The following GALM variants were observed in gnomAD, a reference collection of about 807,000 sequenced individuals.
GALM encodes the protein aldose 1-epimerase.
Under a neutral mutation model 37.4 loss-of-function variants are expected in GALM, and 43 were observed. The observed-to-expected ratio is 1.15, with a 90% CI of 0.90 to 1.48. The LOEUF is 1.48. Among genes scored for constraint, GALM ranks in the 40% most tolerant of loss-of-function variants. The pLI is 0.00. For synonymous variants in GALM, 199 were observed against 170.6 expected (o/e 1.17, Z -1.30); for missense variants, 456 against 419.1 (o/e 1.09, Z -0.77).
chr2:38,719,468 C>A (rs1387233356), intron 4 of GALM, among the ~76,000 whole-genome samples: 2 of 140,588 alleles, frequency 1.4e-5, no homozygotes, highest in African/African-American at 2.7e-5. Context: ...GACTTTGTCT[C>A]AAAAAAAAAA....
chr2:38,679,491 T>C (rs1034680467), intron 2 of GALM, among the ~76,000 whole-genome samples: 4 of 152,212 alleles, frequency 2.6e-5, no homozygotes, highest in African/African-American at 9.6e-5. Context: ...TGTTCAACTG[T>C]TTTGACCTAC....
Position 38,733,548 on chromosome 2 carries a change from A to C in GALM, c.1012A>C (p.Lys338Gln). The C allele has an allele frequency of 6.2e-7, 1 of 1,613,754 alleles. No individual in the cohort carries two copies. The highest frequency in any genetic ancestry group is 1.1e-5 in the South Asian group (1 of 91,064). ...GGAGTATGACCACACCACCTGGTTC[A>C]AGTTTTCTGTGGCTTAAGGAAGTGT... ...GEEYDHTTWF[K>Q]FSVA The change falls in exon 7 of 7, where the codon AAG (lysine) becomes CAG (glutamine). Residue 338 changes from lysine to glutamine, a missense_variant. Coordinates refer to ENST00000272252, the MANE Select transcript of GALM (RefSeq NM_138801.3).
At chr2:38,670,724 A>G (rs1198897968) in intron 1 of GALM, among the ~76,000 whole-genome samples, 2 of 152,152 alleles carry the variant, frequency 1.3e-5, no homozygotes, top group African/African-American at 4.8e-5. Flanking sequence ...CCCAAATACC[A>G]TCTCTGACTC....
chr2:38,715,874 G>A (rs187886948), intron 4 of GALM, among the ~76,000 whole-genome samples: 42 of 152,236 alleles, frequency 2.8e-4, no homozygotes, highest in East Asian at 1.9e-3. Context: ...TTTAGTGTTC[G>A]CAATAATGCT....
intron 4 of GALM, among the ~76,000 whole-genome samples, chr2:38,702,800 G>C (rs1257657692): frequency 6.6e-6 from 1 of 150,642 alleles, no homozygotes; most frequent in Non-Finnish European, 1.5e-5. Context: ...CTGAGTAATA[G>C]CCAACCTATA....
rs770288133 is a variant in GALM, at chr2:38,729,652, A to G, written c.731A>G (p.His244Arg). 5.5e-5 allele frequency: 88 copies of G among 1,613,616 alleles called. No homozygotes were observed. Among genetic ancestry groups the G allele is most frequent in the Non-Finnish European group, 7.0e-5 (82 of 1,179,708 alleles). Residue 244 changes from histidine to arginine, a missense_variant, in exon 5 of 7, where the codon CAC becomes CGC. By Grantham distance (29) the His-to-Arg change is conservative. Coordinates refer to ENST00000272252, the MANE Select transcript of GALM (RefSeq NM_138801.3). ...LQDFHLNGFDHNFCLKGSKEK... is the reference protein window; with the variant it reads ...LQDFHLNGFDRNFCLKGSKEK... Reference sequence around the variant, plus strand: ...GACTTCCATCTCAATGGTTTTGACCACAATTTCTGTCTGAAGGGATCTAAA... The same window carrying G: ...GACTTCCATCTCAATGGTTTTGACCGCAATTTCTGTCTGAAGGGATCTAAA...
chr2:38,721,044 T>C (rs1666367234), intron 4 of GALM, among the ~76,000 whole-genome samples: 1 of 152,226 alleles, frequency 6.6e-6, no homozygotes, highest in Non-Finnish European at 1.5e-5. Context: ...GGAGAGCATG[T>C]GGATGGGATC....
At chr2:38,729,161 T>G (rs1666544712) in intron 4 of GALM, among the ~76,000 whole-genome samples, 1 of 151,950 alleles carries the variant, frequency 6.6e-6, no homozygotes, top group South Asian at 2.1e-4. Context: ...TCTATTTATT[T>G]GAGGGTTTTT....
intron 6 of GALM, 56 bp from the exon 7 acceptor site, chr2:38,733,432 G>A: frequency 7.0e-7 from 1 of 1,424,552 alleles, no homozygotes; most frequent in Non-Finnish European, 9.9e-7. Flanking sequence ...ACACCCAAAT[G>A]GTTAATGTTG....
chr2:38,708,147 TA>T, intron 4 of GALM, among the ~76,000 whole-genome samples: 2 of 120,892 alleles, frequency 1.7e-5, no homozygotes, highest in African/African-American at 2.9e-5. Flanking sequence ...TAAAATAAAA[TA>T]AAAAAGCCTG....
At chr2:38,691,739 TAA>T (rs1553381727) in intron 4 of GALM, among the ~76,000 whole-genome samples, 10 of 150,894 alleles carry the variant, frequency 6.6e-5, no homozygotes, top group South Asian at 2.1e-4. Context: ...TTTTTTTTTT[TAA>T]AAAAGACCAA....
chr2:38,690,774 C>G (rs1053805460), intron 4 of GALM, among the ~76,000 whole-genome samples: 10 of 152,120 alleles, frequency 6.6e-5, no homozygotes, highest in African/African-American at 2.4e-4. Flanking sequence ...GCTGCTAGTT[C>G]AAACTTTTTA....
chr2:38,691,739 T>TTTA (rs1340485383), intron 4 of GALM, among the ~76,000 whole-genome samples: 38 of 150,896 alleles, frequency 2.5e-4, no homozygotes, highest in African/African-American at 8.8e-4. Flanking sequence ...TTTTTTTTTT[T>TTTA]AAAAAAGACC....
At chr2:38,713,811 A>G (rs1274225296) in intron 4 of GALM, among the ~76,000 whole-genome samples, 1 of 151,998 alleles carries the variant, frequency 6.6e-6, no homozygotes, top group East Asian at 1.9e-4. Context: ...AGGCTGAGGC[A>G]GGAGGATCAC....
chr2:38,719,276 C>G (rs1666328183), intron 4 of GALM, among the ~76,000 whole-genome samples: 1 of 151,558 alleles, frequency 6.6e-6, no homozygotes, highest in African/African-American at 2.4e-5. Context: ...TCAAGACCAG[C>G]TTGGCCAAGA....
chr2:38,706,111 T>C (rs1168843038), intron 4 of GALM, among the ~76,000 whole-genome samples: 1 of 151,986 alleles, frequency 6.6e-6, no homozygotes, highest in Non-Finnish European at 1.5e-5. Flanking sequence ...GTTCAAGCGA[T>C]TCTCCTGCTT....
chr2:38,689,116 G>A (rs1258424367), intron 3 of GALM, among the ~76,000 whole-genome samples: 5 of 152,230 alleles, frequency 3.3e-5, no homozygotes, highest in Middle Eastern at 6.8e-3. Context: ...CACCGCGCCC[G>A]GCCTCATTAG....
At chr2:38,725,908 C>T (rs1276257199) in intron 4 of GALM, among the ~76,000 whole-genome samples, 3 of 151,918 alleles carry the variant, frequency 2.0e-5, no homozygotes, top group African/African-American at 7.3e-5. Context: ...GACGGGGTTT[C>T]GCCATGTTGC....
At chr2:38,669,895 CTTTTT>C (rs35676843) in intron 1 of GALM, among the ~76,000 whole-genome samples, 14 of 135,178 alleles carry the variant, frequency 1.0e-4, no homozygotes, top group African/African-American at 1.6e-4. Flanking sequence ...AAAAGTTTTT[CTTTTT>C]TTTTTTTTTT....
Sources: allele counts gnomAD v4.1 joint callset (sites outside exome capture counted in the v4.1 genomes callset), GRCh38; gene constraint gnomAD v4.1.1; transcripts MANE v1.5; gene names NCBI Gene and HGNC (gene_info 2026-07-23, HGNC 2026-07-21).